MAMDC2: variants seen among roughly 807,000 people sequenced by gnomAD.
The protein encoded by MAMDC2 is MAM domain-containing protein 2.
A neutral mutation model predicts 89.8 loss-of-function variants in MAMDC2; 57 were observed. The ratio of observed to expected loss-of-function variants is 0.63; its 90% CI spans 0.51 to 0.79. The LOEUF (loss-of-function observed/expected upper bound fraction) is 0.79. Ranked by LOEUF, MAMDC2 falls within the 30% of genes least tolerant of loss-of-function variation. The pLI, the probability that MAMDC2 is intolerant of heterozygous loss-of-function variation, is 0.00. For synonymous variants in MAMDC2, 313 were observed against 293.4 expected, an observed-to-expected ratio of 1.07 and a Z score of -0.68; for missense variants, 800 against 820.6, an observed-to-expected ratio of 0.97 and a Z score of 0.31.
chr9:70,074,306 G>A (rs1389975191), intron 2 of MAMDC2, among the ~76,000 whole-genome samples: 2 of 152,194 alleles, frequency 1.3e-5, no homozygotes, highest in African/African-American at 4.8e-5. Context: ...AACTTTTAAG[G>A]TTCCATGGGC....
intron 9 of MAMDC2, among the ~76,000 whole-genome samples, chr9:70,159,007 GTA>G: frequency 6.6e-6 from 1 of 150,728 alleles, no homozygotes. Context: ...GTGTATGACT[GTA>G]TATGTATATA....
rs1012438358 is a variant in MAMDC2 at position 70,056,383 on chromosome 9, T to C, written c.148+11686T>C. Among the ~76,000 whole-genome samples, 5 of 152,226 alleles carry C rather than the reference T, an allele frequency of 3.3e-5. No individual in the cohort carries two copies. In the South Asian group the frequency reaches 1.0e-3, roughly 32 times the overall value. ...GTTTTCCATTACAAATCCTGAAAAT[T>C]GGCAACAGCCATCTGAAATCCCACT... On this transcript the variant is annotated intron_variant, in intron 2 of 13. Transcript: ENST00000377182.
At chr9:70,183,900 T>C (rs1028978436) in intron 11 of MAMDC2, among the ~76,000 whole-genome samples, 1 of 152,174 alleles carries the variant, frequency 6.6e-6, no homozygotes, top group Non-Finnish European at 1.5e-5. Flanking sequence ...ATTCTGTCAT[T>C]GTGTGAATTT....
At chr9:70,156,728 CTT>C (rs1450534990) in intron 9 of MAMDC2, among the ~76,000 whole-genome samples, 1 of 152,200 alleles carries the variant, frequency 6.6e-6, no homozygotes, top group Non-Finnish European at 1.5e-5. Context: ...GGAACCTACT[CTT>C]GAGTTTTTCA....
At chr9:70,162,100 G>A (rs983236176) in intron 9 of MAMDC2, among the ~76,000 whole-genome samples, 8 of 152,078 alleles carry the variant, frequency 5.3e-5, no homozygotes, top group African/African-American at 1.7e-4. Flanking sequence ...GCTAATTATA[G>A]GCCTAAATGG....
At chr9:70,074,552 G>A (rs532001598) in intron 2 of MAMDC2, among the ~76,000 whole-genome samples, 4 of 152,286 alleles carry the variant, frequency 2.6e-5, no homozygotes, top group South Asian at 4.1e-4. Flanking sequence ...ACAGCAAGAC[G>A]GTAGGCAGAG....
chr9:70,072,205 G>A (rs1427268149), intron 2 of MAMDC2, among the ~76,000 whole-genome samples: 1 of 152,158 alleles, frequency 6.6e-6, no homozygotes, highest in African/African-American at 2.4e-5. Context: ...TTTAAATTCT[G>A]ATGTAAAGTA....
chr9:70,141,304 G>C (rs1238038435), intron 8 of MAMDC2, among the ~76,000 whole-genome samples: 1 of 152,090 alleles, frequency 6.6e-6, no homozygotes, highest in Non-Finnish European at 1.5e-5. Context: ...ATGAAACGGG[G>C]AACTGTTTAG....
intron 3 of MAMDC2, chr9:70,109,091 T>C (rs1456469758): frequency 1.3e-5 from 2 of 152,340 alleles, no homozygotes; most frequent in African/African-American, 4.8e-5. Flanking sequence ...ATTGAAAATA[T>C]TTCATCGGGG....
intron 11 of MAMDC2, among the ~76,000 whole-genome samples, chr9:70,208,130 C>T (rs1356290705): frequency 6.6e-6 from 1 of 152,050 alleles, no homozygotes; most frequent in Admixed American, 6.5e-5. Flanking sequence ...TTTTTGATTC[C>T]ACATGAACTT....
intron 9 of MAMDC2, chr9:70,153,144 A>G (rs2031635884): frequency 6.6e-6 from 1 of 152,224 alleles, no homozygotes; most frequent in African/African-American, 2.4e-5. Context: ...AACAGTTTAC[A>G]ATAATAAAAC....
At chr9:70,143,922 T>C in intron 9 of MAMDC2, 103 bp downstream of exon 9, 1 of 1,392,572 alleles carries the variant, frequency 7.2e-7, no homozygotes, top group Non-Finnish European at 9.9e-7. Flanking sequence ...ATTTTCCTTC[T>C]GTTCAGGCCT....
intron 2 of MAMDC2, chr9:70,079,275 A>G (rs1166350087): frequency 6.6e-6 from 1 of 152,168 alleles, no homozygotes; most frequent in East Asian, 1.9e-4. Flanking sequence ...TCCCAAAAGA[A>G]TGAATCTCAC....
rs753660876 is a variant in MAMDC2, at chr9:70,168,777, G to A, written c.1480G>A (p.Gly494Arg). The A allele has an allele frequency of 6.2e-7, 1 of 1,613,844 alleles. No homozygotes were observed. Among genetic ancestry groups the A allele is most frequent in the South Asian group, 1.1e-5 (1 of 91,056 alleles). The stretch of plus-strand genomic sequence containing the variant: ...CCTGGATGACATTACAATACAATTG[G>A]GAAGCTGCTCATCTTCAGGTAAGAC... ...VALDDITIQL[G>R]SCSSSEKLPP... Residue 494 changes from glycine (G) to arginine (R), a missense_variant, in exon 10 of 14, where the codon GGA becomes AGA. Coordinates refer to ENST00000377182, the MANE Select transcript of MAMDC2 (RefSeq NM_153267.5).
At chr9:70,207,040 T>C (rs2033240365) in intron 11 of MAMDC2, among the ~76,000 whole-genome samples, 2 of 152,230 alleles carry the variant, frequency 1.3e-5, no homozygotes, top group Admixed American at 6.5e-5. Flanking sequence ...TGATGGACAT[T>C]TGGGTTGGTT....
intron 2 of MAMDC2, among the ~76,000 whole-genome samples, chr9:70,066,951 G>A (rs919820213): frequency 9.2e-5 from 14 of 152,194 alleles, no homozygotes; most frequent in Admixed American, 6.5e-4. Context: ...TGTTGCAGGT[G>A]GGTTCCCTAG....
chr9:70,143,139 C>T (rs1284454940), intron 8 of MAMDC2, among the ~76,000 whole-genome samples: 1 of 152,198 alleles, frequency 6.6e-6, no homozygotes, highest in Non-Finnish European at 1.5e-5. Context: ...CTATCGGTCA[C>T]TAAGGAGATA....
intron 11 of MAMDC2, among the ~76,000 whole-genome samples, chr9:70,199,823 G>A (rs1471900365): frequency 1.4e-5 from 2 of 147,662 alleles, no homozygotes; most frequent in African/African-American, 2.5e-5. Context: ...ATTTTTTCAT[G>A]TGTTTTTTGG....
chr9:70,078,252 C>T (rs1054028001), intron 2 of MAMDC2, among the ~76,000 whole-genome samples: 6 of 152,184 alleles, frequency 3.9e-5, no homozygotes, highest in Non-Finnish European at 2.9e-5. Context: ...AATCTGATAA[C>T]TCCCTCTTAC....
Sources: allele counts gnomAD v4.1 joint callset (sites outside exome capture counted in the v4.1 genomes callset), GRCh38; gene constraint gnomAD v4.1.1; transcripts MANE v1.5; gene names NCBI Gene and HGNC (gene_info 2026-07-23, HGNC 2026-07-21).